Variants in LPCAT2 observed in about 807,000 individuals in gnomAD.
The protein encoded by LPCAT2 is 1-AGP acyltransferase 11.
Under a neutral mutation model 64.7 loss-of-function variants are expected in LPCAT2, and 58 were observed. The ratio of observed to expected loss-of-function variants is 0.90; its 90% CI spans 0.73 to 1.12. The LOEUF is 1.12. Ranked by LOEUF, LPCAT2 falls within the 50% of genes most tolerant of loss-of-function variation. LPCAT2 has a pLI of 0.00. For missense variants in LPCAT2, 579 were observed against 669.8 expected (o/e 0.86, Z 1.50); for synonymous variants, 252 against 245.3 (o/e 1.03, Z -0.26).
chr16:55,530,768 A>G (rs1963242368), intron 4 of LPCAT2, among the ~76,000 whole-genome samples: 1 of 152,110 alleles, frequency 6.6e-6, no homozygotes, highest in Non-Finnish European at 1.5e-5. Flanking sequence ...GGATCCAAAG[A>G]CTATATCTAG....
chr16:55,535,041 T>A (rs1963307138), intron 7 of LPCAT2, among the ~76,000 whole-genome samples: 1 of 152,198 alleles, frequency 6.6e-6, no homozygotes, highest in Admixed American at 6.5e-5. Flanking sequence ...CAAGCTGATG[T>A]GAAGTAGGCC....
intron 1 of LPCAT2, 69 bp downstream of exon 1, chr16:55,509,421 G>A: frequency 7.6e-7 from 1 of 1,316,528 alleles, no homozygotes; most frequent in Non-Finnish European, 9.8e-7. Context: ...GTCCAGGTAA[G>A]GGGTGTGGGT....
chr16:55,567,405 G>C, intron 11 of LPCAT2: 1 of 1,613,800 alleles, frequency 6.2e-7, no homozygotes, highest in Non-Finnish European at 8.5e-7. Flanking sequence ...GGTCCGCCTG[G>C]ATGCCATGTT....
intron 10 of LPCAT2, among the ~76,000 whole-genome samples, chr16:55,549,911 C>A (rs1227459227): frequency 6.6e-6 from 1 of 151,970 alleles, no homozygotes; most frequent in African/African-American, 2.4e-5. Flanking sequence ...TAGTTTAAAC[C>A]ATTGAGAACA....
intron 1 of LPCAT2, among the ~76,000 whole-genome samples, chr16:55,522,622 A>G (rs750811618): frequency 1.4e-4 from 21 of 151,730 alleles, no homozygotes; most frequent in South Asian, 2.1e-4. Flanking sequence ...GAGTATTGAC[A>G]GAAGTATAGA....
At chr16:55,534,549 C>A (rs1288765778) in intron 7 of LPCAT2, 72 bp downstream of exon 7, 4 of 717,004 alleles carry the variant, frequency 5.6e-6, no homozygotes, top group Admixed American at 2.6e-5. Context: ...ATCATTTATT[C>A]ATTCTTTAAA....
At chr16:55,577,244 C>A (rs1963837484) in intron 12 of LPCAT2, among the ~76,000 whole-genome samples, 1 of 152,202 alleles carries the variant, frequency 6.6e-6, no homozygotes, top group Non-Finnish European at 1.5e-5. Context: ...TCAAATTATA[C>A]TTTTTTATCC....
At chr16:55,516,128 AGG>A (rs1422346646) in intron 1 of LPCAT2, among the ~76,000 whole-genome samples, 1 of 152,190 alleles carries the variant, frequency 6.6e-6, no homozygotes, top group African/African-American at 2.4e-5. Flanking sequence ...ACTTAAAGGC[AGG>A]GTCTCACTCT....
At chr16:55,535,104 TAGTTCCCTCTG>T (rs1963307754) in intron 7 of LPCAT2, among the ~76,000 whole-genome samples, 1 of 152,186 alleles carries the variant, frequency 6.6e-6, no homozygotes, top group African/African-American at 2.4e-5. Flanking sequence ...ATCGTTTGTT[TAGTTCCCTCTG>T]AATAAGTCTG....
chr16:55,531,897 A>G lies in LPCAT2; in HGVS notation c.643-17A>G, dbSNP rs1963258525. ...TTAATTAGATTGAAATATTAAATCT[A>G]TTCCTTTTTTCCCAAGATACTAGTT... On this transcript the variant is annotated splice_polypyrimidine_tract_variant and intron_variant, in intron 4 of 13. Coordinates refer to ENST00000262134, the MANE Select transcript of LPCAT2 (RefSeq NM_017839.5). 2 of 1,486,334 alleles carry G rather than the reference A, an allele frequency of 1.3e-6. No homozygotes were observed. The highest frequency in any genetic ancestry group is 2.8e-5 in the African/African-American group (2 of 72,270). The allele number at this position is 1,486,334 out of a possible 1,614,324, so 92.1% of individuals were successfully genotyped here.
rs773688198 is a variant in LPCAT2 at position 55,582,987 on chromosome 16, G to C, written c.1524G>C (p.Thr508=). 2 of 1,613,578 alleles carry C rather than the reference G, an allele frequency of 1.2e-6. No individual in the cohort carries two copies. Among genetic ancestry groups the C allele is most frequent in the Non-Finnish European group, 8.5e-7 (1 of 1,179,702 alleles). Residue 508 remains threonine, a synonymous_variant, in exon 14 of 14, where the codon ACG becomes ACC. Transcript: ENST00000262134. ...KIFTTYLDLQ[T]CHVFSLPKEV... ...TTACAACATACCTAGACCTCCAGACGTGCCATGTGTTTTCATTACCAAAAG... is the reference window on the plus strand; with the variant it reads ...TTACAACATACCTAGACCTCCAGACCTGCCATGTGTTTTCATTACCAAAAG...
chr16:55,573,374 A>G (rs1313471241), intron 11 of LPCAT2, among the ~76,000 whole-genome samples: 2 of 149,072 alleles, frequency 1.3e-5, no homozygotes, highest in Non-Finnish European at 3.0e-5. Context: ...TAGATGAGAA[A>G]AAGTTGTGTT....
intron 11 of LPCAT2, among the ~76,000 whole-genome samples, chr16:55,569,587 A>G (rs16955440): frequency 0.019 from 2,951 of 152,344 alleles, 94 homozygotes; most frequent in African/African-American, 0.064. Context: ...CATAAAAGTT[A>G]AAACAATCAT....
chr16:55,517,521 CA>C (rs1567390184), intron 1 of LPCAT2, among the ~76,000 whole-genome samples: 1 of 151,842 alleles, frequency 6.6e-6, no homozygotes, highest in African/African-American at 2.4e-5. Flanking sequence ...ATACCAAAAC[CA>C]AAAAAGGACA....
intron 1 of LPCAT2, among the ~76,000 whole-genome samples, chr16:55,519,240 C>T (rs1423119451): frequency 6.6e-6 from 1 of 151,964 alleles, no homozygotes; most frequent in Non-Finnish European, 1.5e-5. Flanking sequence ...GTGGCTCACA[C>T]CTGTAGTCCC....
At chr16:55,582,617 T>C (rs1013786232) in intron 13 of LPCAT2, among the ~76,000 whole-genome samples, 1 of 152,142 alleles carries the variant, frequency 6.6e-6, no homozygotes, top group Non-Finnish European at 1.5e-5. Flanking sequence ...TTATAAATAA[T>C]GTTGCTGTGA....
rs1390356442 is a variant in LPCAT2 at position 55,509,073 on chromosome 16, G to T, written c.-109G>T. 1 of 997,130 alleles carries T rather than the reference G, an allele frequency of 1.0e-6. No homozygotes were observed. Among genetic ancestry groups the T allele is most frequent in the African/African-American group, 1.7e-5 (1 of 60,336 alleles). 61.8% of individuals were successfully genotyped at this position (997,130 alleles called of 1,614,324 possible). Reference sequence around the variant, plus strand: ...TCTAAGTAACTTCAGCGCCTGCGCAGAGGCTCCCCAGCGTCGCCCTAGGCT... The same window carrying T: ...TCTAAGTAACTTCAGCGCCTGCGCATAGGCTCCCCAGCGTCGCCCTAGGCT... On this transcript the variant is annotated 5_prime_UTR_variant, in exon 1 of 14. Transcript: ENST00000262134.
intron 11 of LPCAT2, among the ~76,000 whole-genome samples, chr16:55,571,785 T>C: frequency 6.6e-6 from 1 of 152,186 alleles, no homozygotes; most frequent in Non-Finnish European, 1.5e-5. Context: ...TGTTTTGGGG[T>C]ACATTTTATC....
At chr16:55,573,889 CT>C (rs1447725207) in intron 11 of LPCAT2, among the ~76,000 whole-genome samples, 2 of 152,006 alleles carry the variant, frequency 1.3e-5, no homozygotes, top group Non-Finnish European at 2.9e-5. Context: ...CCATTTTCAT[CT>C]TCTTAGAGCT....
Sources: gnomAD v4.1 joint callset for allele counts (sites outside exome capture counted in the v4.1 genomes callset) on GRCh38, gnomAD v4.1.1 for gene constraint, MANE v1.5 for transcripts, NCBI Gene and HGNC (gene_info 2026-07-23, HGNC 2026-07-21) for gene names.